TEX2: variants seen among roughly 807,000 people sequenced by gnomAD.
TEX2 encodes testis expressed 2.
In TEX2, 53 loss-of-function variants were observed where a neutral mutation model predicts 106.9. The observed-to-expected ratio is 0.50, with a 90% CI of 0.40 to 0.62. The LOEUF (loss-of-function observed/expected upper bound fraction) is 0.62, where lower values mean the gene tolerates loss of function less well. Among genes scored for constraint, TEX2 ranks in the 20% least tolerant of loss-of-function variants. TEX2 has a pLI of 0.00. For missense variants in TEX2, 1,207 were observed against 1,379.0 expected (o/e 0.88, Z 1.98); for synonymous variants, 523 against 534.8 (o/e 0.98, Z 0.30).
chr17:64,190,553 C>T (rs1567929441), intron 4 of TEX2, among the ~76,000 whole-genome samples: 1 of 150,584 alleles, frequency 6.6e-6, no homozygotes, highest in African/African-American at 2.4e-5. Flanking sequence ...CACATCACCT[C>T]ACCCTTCCCC....
intron 6 of TEX2, among the ~76,000 whole-genome samples, chr17:64,175,593 T>G (rs1457144538): frequency 6.6e-6 from 1 of 152,128 alleles, no homozygotes; most frequent in South Asian, 2.1e-4. Flanking sequence ...TTGGTGTTGT[T>G]GTTGTTTTTA....
rs1284719548 is a variant in TEX2, at chr17:64,188,307, T to C, written c.2285A>G (p.Lys762Arg). ...CTGCCGCACGCTGCCTGCCAGCTCC[T>C]TCTGCTTTGGCTGTGACATGATCTC... ...VEEIMSQPKQ[K>R]ELAGSVRQKM... The change falls in exon 5 of 12, where the codon AAG becomes AGG. Residue 762 changes from lysine to arginine, a missense_variant. Around this residue, in one of 3 missense-constraint regions of TEX2, gnomAD observed 1,067 missense variants for 1,193.6 expected, o/e 0.89. Coordinates refer to ENST00000584379, the MANE Select transcript of TEX2 (RefSeq NM_001288732.2). 6.2e-7 allele frequency: 1 copy of C among 1,614,206 alleles called. No individual in the cohort carries two copies. The highest frequency in any genetic ancestry group is 8.5e-7 in the Non-Finnish European group (1 of 1,180,038).
In TEX2 at chr17:64,213,449, C is replaced by G. The variant is rs1476289112; in HGVS notation, c.769G>C (p.Gly257Arg). The change falls in exon 2 of 12, where the codon GGT becomes CGT. Residue 257 changes from glycine (G) to arginine (R), a missense_variant. Transcript: ENST00000584379. This position sits in a 1 kb window ranked among gnomAD's most constrained non-coding sequence, Gnocchi z 4.4. ...FKQFTQPRNT[G>R]GDSKTAPSSP... is the part of the protein sequence containing the mutation. ...GAAGGTGCAGTTTTGGAATCTCCACCTGTGTTTCGGGGCTGTGTGAACTGC... is the reference window on the plus strand; with the variant it reads ...GAAGGTGCAGTTTTGGAATCTCCACGTGTGTTTCGGGGCTGTGTGAACTGC... 1.9e-6 allele frequency: 3 copies of G among 1,614,024 alleles called. No individual in the cohort carries two copies. In the African/African-American group the frequency reaches 4.0e-5, roughly 22 times the overall value.
chr17:64,241,328 T>A (rs2033884922), intron 1 of TEX2, among the ~76,000 whole-genome samples: 2 of 152,164 alleles, frequency 1.3e-5, no homozygotes, highest in African/African-American at 4.8e-5. Context: ...ATTTCATCTC[T>A]CCTCCAGTTC....
Position 64,214,064 on chromosome 17 carries a change from A to ACTC in TEX2, c.151_153dup (p.Glu51dup). On this transcript the variant is annotated inframe_insertion, in exon 2 of 12. Transcript: ENST00000584379. ...AGCCCCTCCTCAAAGTACTCCCTGA[A>ACTC]CTCCTCCTCCTCTTCCTCCTCCTCC... 6.2e-7 allele frequency: 1 copy of ACTC among 1,613,392 alleles called. No individual in the cohort carries two copies. Among genetic ancestry groups the ACTC allele is most frequent in the Non-Finnish European group, 8.5e-7 (1 of 1,179,826 alleles).
At position 64,212,569 on chromosome 17, in the gene TEX2, C is replaced by T. The variant is rs782009371; in HGVS notation, c.1644+5G>A. ...GTACTAGCCAGCTCCCGGGGAGAGG[C>T]TTACCTTCAGTATTTCAGGTTCTTT... On this transcript the variant is annotated splice_donor_5th_base_variant and intron_variant, in intron 2 of 11. Transcript: ENST00000584379. 2 of 1,610,774 alleles carry T rather than the reference C, an allele frequency of 1.2e-6. No individual in the cohort carries two copies. The highest frequency in any genetic ancestry group is 3.3e-5 in the Admixed American group (2 of 59,832).
intron 1 of TEX2, among the ~76,000 whole-genome samples, chr17:64,255,028 CTT>C (rs566755382): frequency 1.5e-4 from 20 of 132,478 alleles, no homozygotes; most frequent in East Asian, 2.1e-4. Context: ...CTGCATCTGG[CTT>C]TTTTTTTTTT....
rs782701205 is a variant in TEX2, at chr17:64,212,901, G to C, written c.1317C>G (p.Leu439=). The C allele has an allele frequency of 6.2e-7, 1 of 1,614,174 alleles. No individual in the cohort carries two copies. Among genetic ancestry groups the C allele is most frequent in the South Asian group, 1.1e-5 (1 of 91,080 alleles). The change falls in exon 2 of 12, where the codon CTC becomes CTG. Residue 439 remains leucine (L), a synonymous_variant. Coordinates refer to ENST00000584379, the MANE Select transcript of TEX2 (RefSeq NM_001288732.2). ...ETEGESKVDK[L]SDIPLKPEVL... ...CCTCTGGCTTGAGAGGAATATCTGA[G>C]AGCTTATCAACTTTACTCTCCCCCT...
intron 1 of TEX2, among the ~76,000 whole-genome samples, chr17:64,237,579 G>A (rs2033798070): frequency 6.6e-6 from 1 of 152,166 alleles, no homozygotes; most frequent in South Asian, 2.1e-4. Context: ...CTAGCGGGGT[G>A]GCTGTGGAGA....
At chr17:64,239,729 A>T (rs1187250883) in intron 1 of TEX2, among the ~76,000 whole-genome samples, 4 of 151,980 alleles carry the variant, frequency 2.6e-5, no homozygotes, top group African/African-American at 9.7e-5. Flanking sequence ...TACAAAAATT[A>T]GCCAGGTGTG....
At chr17:64,167,028 C>T (rs578223404) in intron 7 of TEX2, among the ~76,000 whole-genome samples, 1 of 152,260 alleles carries the variant, frequency 6.6e-6, no homozygotes, top group East Asian at 1.9e-4. Context: ...GGCGTCAGAG[C>T]TGAGGCAGGA....
intron 2 of TEX2, among the ~76,000 whole-genome samples, chr17:64,197,098 C>A (rs1252934988): frequency 7.2e-6 from 1 of 138,146 alleles, no homozygotes; most frequent in Non-Finnish European, 1.5e-5. Flanking sequence ...AGTTTTCTTG[C>A]AGTGTTTTTT....
At position 64,193,072 on chromosome 17, in the gene TEX2, G is replaced by A. The variant is rs980882597; in HGVS notation, c.2176+487C>T. Among the ~76,000 whole-genome samples, 7 of 152,202 alleles carry A rather than the reference G, an allele frequency of 4.6e-5. No homozygotes were observed. The South Asian group carries it at 8.3e-4, about 18-fold the overall frequency. Reference sequence around the variant, plus strand: ...TGTGTCTCTTGCAGCTCCAAGCCCAGCCAAAGCTGAGCAAAGAGGTGCTGC... The same window carrying A: ...TGTGTCTCTTGCAGCTCCAAGCCCAACCAAAGCTGAGCAAAGAGGTGCTGC... On this transcript the variant is annotated intron_variant, in intron 4 of 11. Transcript: ENST00000584379.
At chr17:64,242,717 C>CT (rs1161881566) in intron 1 of TEX2, among the ~76,000 whole-genome samples, 1 of 152,130 alleles carries the variant, frequency 6.6e-6, no homozygotes, top group Non-Finnish European at 1.5e-5. Context: ...TCATAACGTA[C>CT]TTTGTTAAAA....
chr17:64,190,801 C>T lies in TEX2; in HGVS notation c.2177-2386G>A, dbSNP rs542583412. 1.5e-4 allele frequency among the ~76,000 whole-genome samples: 23 copies of T among 152,322 alleles called. No individual in the cohort carries two copies. In the East Asian group the frequency reaches 4.4e-3, roughly 29 times the overall value. On this transcript the variant is annotated intron_variant, in intron 4 of 11. Transcript: ENST00000584379. ...CCCCACCCATGACCTCGAGTCAGAA[C>T]CTGCATCTTAAGATCCCGTCAAACA... is the stretch of plus-strand genomic sequence containing the variant.
At chr17:64,208,387 G>A (rs1484844556) in intron 2 of TEX2, among the ~76,000 whole-genome samples, 7 of 151,506 alleles carry the variant, frequency 4.6e-5, no homozygotes, top group Admixed American at 3.9e-4. Flanking sequence ...TGCAAGCTGC[G>A]CCACCACACC....
chr17:64,157,772 G>A (rs573567115), intron 8 of TEX2, among the ~76,000 whole-genome samples: 12 of 152,366 alleles, frequency 7.9e-5, no homozygotes, highest in Admixed American at 1.3e-4. Flanking sequence ...CAGAACACCA[G>A]GGGCCTGGGG....
chr17:64,193,954 G>A, intron 3 of TEX2, 65 bp from the exon 4 acceptor site: 1 of 1,214,820 alleles, frequency 8.2e-7, no homozygotes. Context: ...TTAATATTAT[G>A]CATAGCACAA....
At chr17:64,214,582 T>G (rs1164042275) in intron 1 of TEX2, among the ~76,000 whole-genome samples, 2 of 152,206 alleles carry the variant, frequency 1.3e-5, no homozygotes, top group Admixed American at 6.5e-5. Context: ...ACAATAGATG[T>G]TACCAGCATT....
Sources: allele counts gnomAD v4.1 joint callset (sites outside exome capture counted in the v4.1 genomes callset), GRCh38; gene constraint gnomAD v4.1.1; regional missense constraint gnomAD v4.1.1; non-coding constraint Gnocchi (gnomAD v3.1); transcripts MANE v1.5; gene names NCBI Gene and HGNC (gene_info 2026-07-23, HGNC 2026-07-21).